SERPINI1: variants seen among roughly 807,000 people sequenced by gnomAD.
SERPINI1 encodes neuroserpin.
A neutral mutation model predicts 41.1 loss-of-function variants in SERPINI1; 19 were observed. The observed-to-expected ratio is 0.46, with a 90% CI of 0.32 to 0.68. The LOEUF is 0.68. Ranked by LOEUF, SERPINI1 falls within the 30% of genes least tolerant of loss-of-function variation. The pLI, the probability that SERPINI1 is intolerant of heterozygous loss-of-function variation, is 0.03. For synonymous variants in SERPINI1, 138 were observed against 156.6 expected (o/e 0.88, Z 0.89); for missense variants, 460 against 479.2 (o/e 0.96, Z 0.37).
At chr3:167,789,076 A>G (rs1204302628) in intron 1 of SERPINI1, 35 bp from the exon 2 acceptor site, 10 of 1,594,078 alleles carry the variant, frequency 6.3e-6, no homozygotes, top group Non-Finnish European at 8.6e-6. Context: ...TTATAGAGAT[A>G]ACTAATAATT....
At chr3:167,750,196 T>G (rs1207121060) in intron 1 of SERPINI1, among the ~76,000 whole-genome samples, 1 of 152,178 alleles carries the variant, frequency 6.6e-6, no homozygotes. Flanking sequence ...AACCAAAGCT[T>G]TGCTTTTTTT....
At position 167,789,192 on chromosome 3, in the gene SERPINI1, C is replaced by T; in HGVS notation, c.64C>T (p.Pro22Ser). Residue 22 changes from proline to serine, a missense_variant, in exon 2 of 9, where the codon CCT becomes TCT. Physicochemically the swap from Pro to Ser is moderately conservative, Grantham distance 74. Transcript: ENST00000446050. ...AAGTATGGCTACAGGGGCCACTTTC[C>T]CTGAGGAAGCCATTGCTGACTTGTC... ...LQSMATGATFPEEAIADLSVN... is the reference protein window; with the variant it reads ...LQSMATGATFSEEAIADLSVN... The T allele has an allele frequency of 6.2e-7, 1 of 1,614,106 alleles. No individual in the cohort carries two copies. Among genetic ancestry groups the T allele is most frequent in the Non-Finnish European group, 8.5e-7 (1 of 1,179,988 alleles).
intron 4 of SERPINI1, among the ~76,000 whole-genome samples, 178 bp downstream of exon 4, chr3:167,792,962 A>G (rs879780984): frequency 2.0e-5 from 3 of 152,122 alleles, no homozygotes; most frequent in Admixed American, 6.6e-5. Flanking sequence ...ATATTCATTG[A>G]TGGTTTCCAG....
At chr3:167,825,060 G>T (rs1712468271) in intron 8 of SERPINI1, among the ~76,000 whole-genome samples, 187 bp from the exon 9 acceptor site, 1 of 148,492 alleles carries the variant, frequency 6.7e-6, no homozygotes, top group Non-Finnish European at 1.5e-5. Flanking sequence ...AAGGAAAGAA[G>T]AAAGGAAAGG....
chr3:167,763,447 T>C (rs1478114884), intron 1 of SERPINI1, among the ~76,000 whole-genome samples: 1 of 151,722 alleles, frequency 6.6e-6, no homozygotes. Context: ...CGGTGTGATC[T>C]TGGCTCACTG....
At chr3:167,772,269 TCTC>T (rs1197437205) in intron 1 of SERPINI1, among the ~76,000 whole-genome samples, 7 of 152,176 alleles carry the variant, frequency 4.6e-5, no homozygotes, top group Non-Finnish European at 7.4e-5. Context: ...GGGAGGAACT[TCTC>T]CTTTCATTTT....
At chr3:167,777,997 G>A (rs1352577133) in intron 1 of SERPINI1, among the ~76,000 whole-genome samples, 1 of 152,146 alleles carries the variant, frequency 6.6e-6, no homozygotes, top group East Asian at 1.9e-4. Context: ...TTACCTTTCA[G>A]CCTTCCACAA....
chr3:167,787,010 T>C (rs2108555032), intron 1 of SERPINI1, among the ~76,000 whole-genome samples: 1 of 152,354 alleles, frequency 6.6e-6, no homozygotes, highest in East Asian at 1.9e-4. Flanking sequence ...ATCCTTACTC[T>C]ATAAGCTTTT....
rs74636480 is a variant in SERPINI1 at position 167,798,317 on chromosome 3, A to C, written c.881+3493A>C. On this transcript the variant is annotated intron_variant, in intron 5 of 8. Transcript: ENST00000446050. The stretch of plus-strand genomic sequence containing the variant: ...ATTATCATGTATCAATTTTTCCAGA[A>C]GTTCCATAAATTCTCCCTGTACATG... 6.9e-3 allele frequency among the ~76,000 whole-genome samples: 1,047 copies of C among 152,312 alleles called. 29 individuals are homozygous for C. The highest frequency in any genetic ancestry group is 0.048 in the Admixed American group (742 of 15,300).
chr3:167,763,971 T>A (rs1458609913), intron 1 of SERPINI1, among the ~76,000 whole-genome samples: 1 of 152,136 alleles, frequency 6.6e-6, no homozygotes, highest in Non-Finnish European at 1.5e-5. Context: ...ATAATACTAA[T>A]GATCTTTAGA....
intron 1 of SERPINI1, among the ~76,000 whole-genome samples, chr3:167,769,699 G>A (rs1726680147): frequency 6.6e-6 from 1 of 152,048 alleles, no homozygotes; most frequent in Non-Finnish European, 1.5e-5. Flanking sequence ...TTAAGAGTGT[G>A]ACCCTTAATA....
intron 1 of SERPINI1, among the ~76,000 whole-genome samples, chr3:167,739,589 A>T (rs933828575): frequency 6.6e-6 from 1 of 152,196 alleles, no homozygotes; most frequent in Non-Finnish European, 1.5e-5. Context: ...TAAGGTCTTA[A>T]TTTCACAGAC....
At chr3:167,779,254 C>A (rs1727046556) in intron 1 of SERPINI1, among the ~76,000 whole-genome samples, 1 of 152,108 alleles carries the variant, frequency 6.6e-6, no homozygotes, top group African/African-American at 2.4e-5. Context: ...AGGTTATAAT[C>A]TTGACTCTCA....
chr3:167,756,163 C>A (rs1398091806), intron 1 of SERPINI1, among the ~76,000 whole-genome samples: 1 of 151,882 alleles, frequency 6.6e-6, no homozygotes, highest in African/African-American at 2.4e-5. Flanking sequence ...TCCTAGGTAT[C>A]CATGCCCTAT....
intron 1 of SERPINI1, among the ~76,000 whole-genome samples, chr3:167,776,214 A>G (rs926925290): frequency 6.6e-6 from 1 of 152,230 alleles, no homozygotes; most frequent in Non-Finnish European, 1.5e-5. Flanking sequence ...CTCTGAAACT[A>G]CTTGCTGAGT....
chr3:167,748,860 T>C (rs1211390944), intron 1 of SERPINI1, among the ~76,000 whole-genome samples: 1 of 151,918 alleles, frequency 6.6e-6, no homozygotes, highest in Non-Finnish European at 1.5e-5. Flanking sequence ...CTGAGCTCTT[T>C]TTGGTCATTT....
At chr3:167,805,193 A>T (rs2108566141) in intron 5 of SERPINI1, among the ~76,000 whole-genome samples, 1 of 152,272 alleles carries the variant, frequency 6.6e-6, no homozygotes, top group African/African-American at 2.4e-5. Context: ...ATTTCTCCAC[A>T]GCCTCGCTAG....
chr3:167,824,570 T>A lies in SERPINI1; in HGVS notation c.1156+8T>A. On this transcript the variant is annotated splice_region_variant and intron_variant, in intron 8 of 8. Coordinates refer to ENST00000446050, the MANE Select transcript of SERPINI1 (RefSeq NM_001122752.2). ...TCAGAAACAGGAGAACTGGTAAGTTTATTATGAAAACAAAATTTTATTTAA... is the reference window on the plus strand; with the variant it reads ...TCAGAAACAGGAGAACTGGTAAGTTAATTATGAAAACAAAATTTTATTTAA... The A allele has an allele frequency of 6.3e-7, 1 of 1,597,604 alleles. No homozygotes were observed. The highest frequency in any genetic ancestry group is 8.6e-7 in the Non-Finnish European group (1 of 1,165,686).
intron 6 of SERPINI1, among the ~76,000 whole-genome samples, chr3:167,810,263 T>C (rs1361641929): frequency 1.3e-5 from 2 of 152,178 alleles, no homozygotes; most frequent in Admixed American, 6.6e-5. Context: ...GATTAATGTC[T>C]ATAACTCTTC....
Sources: allele counts gnomAD v4.1 joint callset (sites outside exome capture counted in the v4.1 genomes callset), GRCh38; gene constraint gnomAD v4.1.1; transcripts MANE v1.5; gene names NCBI Gene and HGNC (gene_info 2026-07-23, HGNC 2026-07-21).